SCFD1: variants seen among roughly 807,000 people sequenced by gnomAD.
SCFD1 encodes sec1 family domain containing 1, also known as sec1 family domain-containing protein 1.
SCFD1 carries 37 observed loss-of-function variants against 103.2 expected under a neutral mutation model. The ratio of observed to expected loss-of-function variants is 0.36; its 90% CI spans 0.28 to 0.47. The LOEUF (loss-of-function observed/expected upper bound fraction) is 0.47. Ranked by LOEUF, SCFD1 falls within the 20% of genes least tolerant of loss-of-function variation. SCFD1 has a pLI of 1.00. For missense variants in SCFD1, 639 were observed against 761.2 expected (o/e 0.84, Z 1.89); for synonymous variants, 264 against 245.0 (o/e 1.08, Z -0.73).
intron 14 of SCFD1, among the ~76,000 whole-genome samples, chr14:30,680,021 A>G (rs529737955): frequency 6.6e-6 from 1 of 152,308 alleles, no homozygotes; most frequent in South Asian, 2.1e-4. Context: ...TATTGCAAGT[A>G]TGACAAAAGA....
intron 16 of SCFD1, among the ~76,000 whole-genome samples, chr14:30,701,642 A>G (rs1027903200): frequency 6.6e-6 from 1 of 152,320 alleles, no homozygotes; most frequent in African/African-American, 2.4e-5. Flanking sequence ...TTTCTTAAGA[A>G]TATGTGATTT....
At chr14:30,643,187 A>G (rs1885459911) in intron 6 of SCFD1, 129 bp from the exon 7 acceptor site, 1 of 731,838 alleles carries the variant, frequency 1.4e-6, no homozygotes, top group East Asian at 2.7e-5. Flanking sequence ...AAAAAAATTT[A>G]AACCAAAAAA....
intron 10 of SCFD1, 132 bp downstream of exon 10, chr14:30,653,720 T>A: frequency 1.7e-6 from 1 of 582,548 alleles, no homozygotes; most frequent in Non-Finnish European, 3.0e-6. Flanking sequence ...ACAAAACAAG[T>A]GATGGGATTT....
chr14:30,673,834 A>G lies in SCFD1; in HGVS notation c.1087-90A>G. 4.6e-6 allele frequency: 4 copies of G among 876,090 alleles called. No individual in the cohort carries two copies. The South Asian group carries it at 5.4e-5, about 12-fold the overall frequency. 54.3% of individuals were successfully genotyped at this position (876,090 alleles called of 1,614,324 possible). ...AATCTTACGGTATATCAATAATCTT[A>G]GGATATTTGCTCCAATCTTAGGATG... is the stretch of plus-strand genomic sequence containing the variant. On this transcript the variant is annotated intron_variant, in intron 12 of 24. Transcript: ENST00000458591.
chr14:30,718,752 T>C (rs1317153212), intron 20 of SCFD1, among the ~76,000 whole-genome samples: 1 of 152,210 alleles, frequency 6.6e-6, no homozygotes, highest in Non-Finnish European at 1.5e-5. Context: ...AGATAGGTTA[T>C]CTTGCCTTGT....
intron 5 of SCFD1, 28 bp from the exon 6 acceptor site, chr14:30,639,749 A>G: frequency 6.5e-7 from 1 of 1,541,844 alleles, no homozygotes; most frequent in South Asian, 1.2e-5. Flanking sequence ...TGTAAGATTG[A>G]TTTGTAAACC....
At chr14:30,626,988 C>T (rs571168649) in intron 1 of SCFD1, among the ~76,000 whole-genome samples, 88 of 152,282 alleles carry the variant, frequency 5.8e-4, no homozygotes, top group African/African-American at 2.0e-3. Context: ...TCTCGTAGGA[C>T]TTTGGAGTAT....
chr14:30,630,758 CT>C (rs1884026002), intron 3 of SCFD1, 193 bp downstream of exon 3: 1 of 504,138 alleles, frequency 2.0e-6, no homozygotes, highest in Non-Finnish European at 3.5e-6. Context: ...AATTTTCTGC[CT>C]TGTGGCTTTT....
intron 3 of SCFD1, among the ~76,000 whole-genome samples, chr14:30,631,188 T>C: frequency 6.6e-6 from 1 of 151,684 alleles, no homozygotes; most frequent in Admixed American, 6.6e-5. Context: ...CCATCTTCAC[T>C]AAAAAAAATA....
At chr14:30,703,957 ATAT>A (rs1566645980) in intron 17 of SCFD1, among the ~76,000 whole-genome samples, 6 of 51,110 alleles carry the variant, frequency 1.2e-4, no homozygotes, top group African/African-American at 5.8e-4. Context: ...ATATATATAT[ATAT>A]ATAAATAATG....
At chr14:30,694,113 G>C (rs1890515572) in intron 14 of SCFD1, among the ~76,000 whole-genome samples, 1 of 152,116 alleles carries the variant, frequency 6.6e-6, no homozygotes, top group Non-Finnish European at 1.5e-5. Context: ...TTTCCATCTA[G>C]TTAAGGTGAA....
In SCFD1 at chr14:30,702,342, A is replaced by G. The variant is rs753571646; in HGVS notation, c.1457A>G (p.Asn486Ser). Reference sequence around the variant, plus strand: ...AAAGCTTTAACTGATGCAGGATGCAACCTTAATCCTTTACAATATATCAAA... The same window carrying G: ...AAAGCTTTAACTGATGCAGGATGCAGCCTTAATCCTTTACAATATATCAAA... ...YKKALTDAGC[N>S]LNPLQYIKQW... Residue 486 changes from asparagine (N) to serine (S), a missense_variant, in exon 17 of 25, where the codon AAC becomes AGC. Physicochemically the swap from Asn to Ser is conservative, Grantham distance 46. Coordinates refer to ENST00000458591, the MANE Select transcript of SCFD1 (RefSeq NM_016106.4). 1.1e-5 allele frequency: 17 copies of G among 1,600,242 alleles called. No individual in the cohort carries two copies. The highest frequency in any genetic ancestry group is 9.1e-5 in the South Asian group (8 of 88,072).
At chr14:30,661,094 C>A (rs1231097631) in intron 10 of SCFD1, among the ~76,000 whole-genome samples, 1 of 152,112 alleles carries the variant, frequency 6.6e-6, no homozygotes, top group African/African-American at 2.4e-5. Flanking sequence ...TTCCAGTTTT[C>A]TCATTCTCTG....
chr14:30,624,691 A>G (rs764384774), intron 1 of SCFD1, among the ~76,000 whole-genome samples: 3 of 152,152 alleles, frequency 2.0e-5, no homozygotes, highest in Admixed American at 6.5e-5. Context: ...TGATCATGCC[A>G]TATGTTTGCT....
At chr14:30,732,849 C>G (rs779085969) in intron 23 of SCFD1, among the ~76,000 whole-genome samples, 1 of 151,972 alleles carries the variant, frequency 6.6e-6, no homozygotes, top group African/African-American at 2.4e-5. Flanking sequence ...CTGATTTTAT[C>G]AAAACATTTG....
chr14:30,734,665 C>T (rs1207856992), intron 23 of SCFD1, 125 bp from the exon 24 acceptor site: 2 of 728,010 alleles, frequency 2.7e-6, no homozygotes, highest in Non-Finnish European at 4.8e-6. Context: ...ATACTAAAAT[C>T]CAACAGTATC....
intron 14 of SCFD1, among the ~76,000 whole-genome samples, chr14:30,692,393 C>A (rs1007849764): frequency 6.6e-6 from 1 of 152,002 alleles, no homozygotes; most frequent in Non-Finnish European, 1.5e-5. Flanking sequence ...GCTGTTGATA[C>A]ACAGATAAGG....
At chr14:30,710,300 T>G (rs1344011725) in intron 19 of SCFD1, among the ~76,000 whole-genome samples, 1 of 148,592 alleles carries the variant, frequency 6.7e-6, no homozygotes, top group South Asian at 2.2e-4. Context: ...ATCTGTATAT[T>G]TTTGCCACCA....
chr14:30,667,532 C>T (rs913581878), intron 10 of SCFD1, among the ~76,000 whole-genome samples: 26 of 152,140 alleles, frequency 1.7e-4, no homozygotes, highest in Non-Finnish European at 5.9e-5. Flanking sequence ...TCTTATTCAA[C>T]ATAGTGTTGG....
Sources: gnomAD v4.1 joint callset for allele counts (sites outside exome capture counted in the v4.1 genomes callset) on GRCh38, gnomAD v4.1.1 for gene constraint, MANE v1.5 for transcripts, NCBI Gene and HGNC (gene_info 2026-07-23, HGNC 2026-07-21) for gene names.